CDH13: variants seen among roughly 807,000 people sequenced by gnomAD.
CDH13 encodes the protein cadherin 13, also known as cadherin-13.
A neutral mutation model predicts 63.8 loss-of-function variants in CDH13; 24 were observed. That is an observed-to-expected ratio of 0.38 (90% CI 0.27 to 0.53). The LOEUF (loss-of-function observed/expected upper bound fraction) is 0.53. CDH13 is among the 20% of genes least tolerant of loss of function. The pLI, the probability that CDH13 is intolerant of heterozygous loss-of-function variation, is 0.85. For missense variants in CDH13, 1,049 were observed against 903.1 expected, an observed-to-expected ratio of 1.16 and a Z score of -2.07; for synonymous variants, 503 against 355.3, an observed-to-expected ratio of 1.42 and a Z score of -4.67.
At chr16:83,072,743 C>G (rs75576962) in intron 3 of CDH13, among the ~76,000 whole-genome samples, 9,611 of 152,142 alleles carry the variant, frequency 0.063, 434 homozygotes, top group Non-Finnish European at 0.097. Flanking sequence ...TTTTGGACCT[C>G]CCTAAAATTC....
chr16:82,761,020 T>G (rs1030523351), intron 1 of CDH13, among the ~76,000 whole-genome samples: 1 of 28,732 alleles, frequency 3.5e-5, no homozygotes, highest in African/African-American at 1.9e-4. Context: ...TTTCTTTCTT[T>G]TTTTTTTTTT....
chr16:83,080,625 G>C (rs1386516992), intron 3 of CDH13, among the ~76,000 whole-genome samples: 1 of 152,096 alleles, frequency 6.6e-6, no homozygotes, highest in Non-Finnish European at 1.5e-5. Flanking sequence ...AGTGTCCACA[G>C]CTCCTGTATT....
chr16:83,581,683 G>A (rs1012799588), intron 7 of CDH13, among the ~76,000 whole-genome samples: 10 of 152,182 alleles, frequency 6.6e-5, no homozygotes, highest in East Asian at 1.9e-4. Flanking sequence ...TCCAGGCGTA[G>A]GGGTATGCCC....
rs116666679 is a variant in CDH13, at chr16:83,272,557, G to A, written c.636+55060G>A. ...CCTTATAGATTTATAGATATCCAGC[G>A]TTGCAGTCCGGGGCTCATCAAATTT... On this transcript the variant is annotated intron_variant, in intron 5 of 13. Transcript: ENST00000567109. Among the ~76,000 whole-genome samples the A allele has an allele frequency of 8.6e-3, 1,310 of 152,204 alleles. 14 individuals carry two copies. Among genetic ancestry groups the A allele is most frequent in the African/African-American group, 0.03 (1,236 of 41,504 alleles).
intron 1 of CDH13, among the ~76,000 whole-genome samples, chr16:82,700,329 C>T (rs73601094): frequency 0.018 from 2,722 of 152,296 alleles, 70 homozygotes; most frequent in African/African-American, 0.062. Flanking sequence ...CTTTAAAGAA[C>T]AGACGATGAG....
At chr16:83,620,124 G>A (rs1280941392) in intron 8 of CDH13, among the ~76,000 whole-genome samples, 1 of 152,174 alleles carries the variant, frequency 6.6e-6, no homozygotes, top group Non-Finnish European at 1.5e-5. Flanking sequence ...CGGGCTCAGT[G>A]GCTCACGCCT....
At chr16:83,287,821 T>C (rs2151862421) in intron 5 of CDH13, among the ~76,000 whole-genome samples, 1 of 152,276 alleles carries the variant, frequency 6.6e-6, no homozygotes, top group East Asian at 1.9e-4. Context: ...TGGCACCAAA[T>C]AGGTTTGGGA....
intron 2 of CDH13, chr16:82,953,339 C>A (rs1905564141): frequency 6.6e-6 from 1 of 152,190 alleles, no homozygotes; most frequent in Admixed American, 6.5e-5. Flanking sequence ...AGATACACTT[C>A]TTAATGAATT....
Position 83,783,248 on chromosome 16 carries a change from T to C in CDH13, c.1916-6T>C. 3 of 1,610,020 alleles carry C rather than the reference T, an allele frequency of 1.9e-6. No homozygotes were observed. The highest frequency in any genetic ancestry group is 2.5e-6 in the Non-Finnish European group (3 of 1,176,722). The stretch of plus-strand genomic sequence containing the variant: ...ACTCTCACCAGAACCCTCCTTGCCT[T>C]TACAGATACACACGCCCTGGTAAGC... On this transcript the variant is annotated splice_region_variant and splice_polypyrimidine_tract_variant and intron_variant, in intron 12 of 13. Coordinates refer to ENST00000567109, the MANE Select transcript of CDH13 (RefSeq NM_001257.5).
At chr16:83,585,207 A>T (rs1906030607) in intron 7 of CDH13, among the ~76,000 whole-genome samples, 1 of 152,184 alleles carries the variant, frequency 6.6e-6, no homozygotes, top group Non-Finnish European at 1.5e-5. Flanking sequence ...TGATGCTGGT[A>T]ACCTGGGACC....
At chr16:83,758,148 T>A (rs1361902438) in intron 11 of CDH13, among the ~76,000 whole-genome samples, 1 of 151,994 alleles carries the variant, frequency 6.6e-6, no homozygotes, top group Admixed American at 6.6e-5. Context: ...CTTTGCTACA[T>A]GTTTCCAAAT....
At chr16:83,595,077 G>A (rs1301351498) in intron 7 of CDH13, among the ~76,000 whole-genome samples, 1 of 152,212 alleles carries the variant, frequency 6.6e-6, no homozygotes, top group South Asian at 2.1e-4. Flanking sequence ...AACCAGGAGA[G>A]CAGCTTGACT....
In CDH13 at chr16:83,533,187, G is replaced by C. The variant is rs187332245; in HGVS notation, c.960+46532G>C. Among the ~76,000 whole-genome samples, 39 of 152,312 alleles carry C rather than the reference G, an allele frequency of 2.6e-4. 1 individual carries two copies. In the South Asian group the frequency reaches 6.4e-3, roughly 25 times the overall value. Reference sequence around the variant, plus strand: ...AGAGGACCAGCAGATGCCAGCAGCTGGTGTCACGCTGGAGAAGGGTAAACA... The same window carrying C: ...AGAGGACCAGCAGATGCCAGCAGCTCGTGTCACGCTGGAGAAGGGTAAACA... On this transcript the variant is annotated intron_variant, in intron 7 of 13. Coordinates refer to ENST00000567109, the MANE Select transcript of CDH13 (RefSeq NM_001257.5).
At chr16:82,827,372 G>T (rs1053407735) in intron 1 of CDH13, among the ~76,000 whole-genome samples, 3 of 152,142 alleles carry the variant, frequency 2.0e-5, no homozygotes, top group South Asian at 2.1e-4. Context: ...GTATGAAGGG[G>T]TCAAGCAAAT....
chr16:83,200,754 AC>A (rs2039003377), intron 4 of CDH13, among the ~76,000 whole-genome samples: 1 of 152,198 alleles, frequency 6.6e-6, no homozygotes, highest in South Asian at 2.1e-4. Context: ...TTATTGACTC[AC>A]AGCTACTATG....
intron 4 of CDH13, among the ~76,000 whole-genome samples, chr16:83,156,619 T>C (rs1436933916): frequency 6.6e-6 from 1 of 152,172 alleles, no homozygotes; most frequent in Non-Finnish European, 1.5e-5. Flanking sequence ...CATGGGCAGC[T>C]AACAAGCCCC....
intron 1 of CDH13, among the ~76,000 whole-genome samples, chr16:82,736,239 T>A (rs983618485): frequency 6.6e-6 from 1 of 152,202 alleles, no homozygotes; most frequent in Non-Finnish European, 1.5e-5. Flanking sequence ...AATGGGCACC[T>A]GGGTGGGTGG....
chr16:82,913,642 G>T (rs915251441), intron 2 of CDH13, among the ~76,000 whole-genome samples: 1 of 152,168 alleles, frequency 6.6e-6, no homozygotes, highest in Non-Finnish European at 1.5e-5. Flanking sequence ...AGATGCGATC[G>T]CTGACGAGAG....
chr16:83,013,188 C>T (rs750254132), intron 2 of CDH13, among the ~76,000 whole-genome samples: 1 of 152,250 alleles, frequency 6.6e-6, no homozygotes, highest in Non-Finnish European at 1.5e-5. Flanking sequence ...AACTATCCAA[C>T]TCTGCTGTTG....
Sources: gnomAD v4.1 joint callset for allele counts (sites outside exome capture counted in the v4.1 genomes callset) on GRCh38, gnomAD v4.1.1 for gene constraint, MANE v1.5 for transcripts, NCBI Gene and HGNC (gene_info 2026-07-23, HGNC 2026-07-21) for gene names.